GRIN2B: variants seen among roughly 807,000 people sequenced by gnomAD.
GRIN2B encodes glutamate receptor ionotropic, NMDA 2B.
Under a neutral mutation model 114.5 loss-of-function variants are expected in GRIN2B, and 5 were observed. That is an observed-to-expected ratio of 0.04 (90% CI 0.02 to 0.09). The LOEUF (loss-of-function observed/expected upper bound fraction) is 0.09. GRIN2B is among the 10% of genes least tolerant of loss of function. The pLI is 1.00. For synonymous variants in GRIN2B, 787 were observed against 745.1 expected (o/e 1.06, Z -0.92); for missense variants, 1,108 against 1,943.5 (o/e 0.57, Z 8.08).
intron 4 of GRIN2B, among the ~76,000 whole-genome samples, chr12:13,677,912 G>A (rs182560495): frequency 1.4e-4 from 21 of 151,944 alleles, no homozygotes; most frequent in East Asian, 5.8e-4. Context: ...TTTTAGTTCC[G>A]TAATTTTAAC....
At position 13,542,212 on chromosome 12, in the gene GRIN2B, C is replaced by T. The variant is rs1481479999; in HGVS notation, c.*20571G>A. 1 of 152,036 alleles carries T rather than the reference C, an allele frequency of 6.6e-6. No homozygotes were observed. The highest frequency in any genetic ancestry group is 6.6e-5 in the Admixed American group (1 of 15,254). The allele number at this position is 152,036 out of a possible 1,614,324, so 9.4% of individuals were successfully genotyped here. On this transcript the variant is annotated 3_prime_UTR_variant, in exon 14 of 14. Coordinates refer to ENST00000609686, the MANE Select transcript of GRIN2B (RefSeq NM_000834.5). Reference sequence around the variant, plus strand: ...AAAACTTTCATTTAGCAGAATTGGGCAGAAGCAAAGTTGCTTTCCAATCCT... The same window carrying T: ...AAAACTTTCATTTAGCAGAATTGGGTAGAAGCAAAGTTGCTTTCCAATCCT...
chr12:13,793,742 C>G lies in GRIN2B; in HGVS notation c.412-39827G>C, dbSNP rs190303359. 7.8e-4 allele frequency among the ~76,000 whole-genome samples: 119 copies of G among 152,252 alleles called. 1 individual carries two copies. Among genetic ancestry groups the G allele is most frequent in the African/African-American group, 2.6e-3 (110 of 41,540 alleles). ...CAGCTGCTTTCTCCATATTTTGACC[C>G]CTTATCTGAATGGTGTGTTCCAGGG... On this transcript the variant is annotated intron_variant, in intron 3 of 13. Transcript: ENST00000609686.
Position 13,562,935 on chromosome 12 carries a change from G to T in GRIN2B, c.4303C>A (p.His1435Asn), listed in dbSNP as rs1200161647. ...TGGAAACGGGCTGGCACGGCCCCAT[G>T]AAGGGCCGAGACCACCGGCTTGTTG... ...VTNKPVVSAL[H>N]GAVPARFQKD... Residue 1435 changes from histidine (H) to asparagine (N), a missense_variant, in exon 14 of 14, where the codon CAT becomes AAT. Transcript: ENST00000609686. 6.2e-7 allele frequency: 1 copy of T among 1,614,078 alleles called. No homozygotes were observed. Among genetic ancestry groups the T allele is most frequent in the African/African-American group, 1.3e-5 (1 of 74,916 alleles).
At chr12:13,676,721 C>T (rs1033012325) in intron 4 of GRIN2B, among the ~76,000 whole-genome samples, 1 of 152,140 alleles carries the variant, frequency 6.6e-6, no homozygotes, top group Admixed American at 6.6e-5. Flanking sequence ...TATGCACATA[C>T]TCTTTAACTC....
intron 5 of GRIN2B, among the ~76,000 whole-genome samples, chr12:13,645,145 T>C (rs1949750659): frequency 1.3e-5 from 2 of 152,122 alleles, no homozygotes; most frequent in Admixed American, 6.6e-5. Flanking sequence ...CTTAATCATT[T>C]CTAGCTTCTG....
chr12:13,931,992 C>T (rs893955766), intron 2 of GRIN2B, among the ~76,000 whole-genome samples: 1 of 152,210 alleles, frequency 6.6e-6, no homozygotes, highest in Non-Finnish European at 1.5e-5. Flanking sequence ...AAAAAGACAA[C>T]ATCCTCCAAT....
chr12:13,574,644 A>C (rs1012961964), intron 10 of GRIN2B, among the ~76,000 whole-genome samples: 16 of 152,366 alleles, frequency 1.1e-4, no homozygotes, highest in South Asian at 2.1e-4. Context: ...AAGCTACATT[A>C]TAGGTAGTTT....
chr12:13,812,502 A>C (rs1864750257), intron 3 of GRIN2B, among the ~76,000 whole-genome samples: 2 of 152,052 alleles, frequency 1.3e-5, no homozygotes, highest in Admixed American at 1.3e-4. Context: ...GTTCAACTAA[A>C]CCTATTTCAA....
At chr12:13,607,144 CAA>C (rs1269407366) in intron 10 of GRIN2B, among the ~76,000 whole-genome samples, 4 of 87,480 alleles carry the variant, frequency 4.6e-5, no homozygotes, top group Admixed American at 3.1e-4. Context: ...ACCATGCACT[CAA>C]AAAAAATATA....
rs1948554248 is a variant in GRIN2B, at chr12:13,562,199, A to AT, written c.*583dup. The stretch of plus-strand genomic sequence containing the variant: ...CGAGTCTCATGGGGTTGAAGCAAGC[A>AT]TTTTTTGGCTTATATATAAACACAA... On this transcript the variant is annotated 3_prime_UTR_variant, in exon 14 of 14. Transcript: ENST00000609686. 1 of 153,582 alleles carries AT rather than the reference A, an allele frequency of 6.5e-6. No individual in the cohort carries two copies. The highest frequency in any genetic ancestry group is 1.4e-5 in the Non-Finnish European group (1 of 69,066). The allele number at this position is 153,582 out of a possible 1,614,324, so 9.5% of individuals were successfully genotyped here. A position where few individuals can be genotyped will look rare whatever the true frequency, so the allele number is the denominator to read the frequency against.
chr12:13,553,321 G>A lies in GRIN2B; in HGVS notation c.*9462C>T, dbSNP rs1312984684. On this transcript the variant is annotated 3_prime_UTR_variant, in exon 14 of 14. Coordinates refer to ENST00000609686, the MANE Select transcript of GRIN2B (RefSeq NM_000834.5). ...AATCCCTTTATATTTACAGAGAAAGGAGTAGTTTAGAGACTAGCATTCTCT... is the reference window on the plus strand; with the variant it reads ...AATCCCTTTATATTTACAGAGAAAGAAGTAGTTTAGAGACTAGCATTCTCT... The A allele has an allele frequency of 6.6e-6, 1 of 152,188 alleles. No homozygotes were observed. The highest frequency in any genetic ancestry group is 1.5e-5 in the Non-Finnish European group (1 of 68,030). The allele number at this position is 152,188 out of a possible 1,614,324, so 9.4% of individuals were successfully genotyped here. A position where few individuals can be genotyped will look rare whatever the true frequency, so the allele number is the denominator to read the frequency against.
chr12:13,634,995 T>C (rs1003436959), intron 5 of GRIN2B, among the ~76,000 whole-genome samples: 3 of 152,204 alleles, frequency 2.0e-5, no homozygotes, highest in African/African-American at 7.2e-5. Flanking sequence ...ATGATGCATC[T>C]TTAACCTCTT....
At chr12:13,886,458 T>C (rs527648733) in intron 2 of GRIN2B, among the ~76,000 whole-genome samples, 4 of 152,272 alleles carry the variant, frequency 2.6e-5, no homozygotes, top group African/African-American at 9.6e-5. Flanking sequence ...CTGTGGGCAA[T>C]GGACTTTTGA....
At position 13,930,309 on chromosome 12, in the gene GRIN2B, G is replaced by A. The variant is rs1867003771; in HGVS notation, c.-19+49619C>T. ...TGATTCAGAGAAATATAAATACATG[G>A]GATCTTGATTTCAATGGGGGCATTT... On this transcript the variant is annotated intron_variant, in intron 2 of 13. Transcript: ENST00000609686. Among the ~76,000 whole-genome samples the A allele has an allele frequency of 2.0e-5, 3 of 152,060 alleles. No individual in the cohort carries two copies. The South Asian group carries it at 6.2e-4, about 32-fold the overall frequency.
At chr12:13,717,284 A>G (rs1244804917) in intron 4 of GRIN2B, among the ~76,000 whole-genome samples, 2 of 151,886 alleles carry the variant, frequency 1.3e-5, no homozygotes, top group Admixed American at 6.6e-5. Flanking sequence ...GCAGCTCAGA[A>G]AACAGGCAAT....
chr12:13,922,533 C>T (rs1297261809), intron 2 of GRIN2B, among the ~76,000 whole-genome samples: 1 of 152,222 alleles, frequency 6.6e-6, no homozygotes, highest in East Asian at 1.9e-4. Flanking sequence ...TAAAACTCAT[C>T]ACAGAGGCTA....
At chr12:13,656,995 G>T (rs1346199330) in intron 5 of GRIN2B, among the ~76,000 whole-genome samples, 1 of 152,126 alleles carries the variant, frequency 6.6e-6, no homozygotes, top group African/African-American at 2.4e-5. Flanking sequence ...TGGGATACTA[G>T]GACTCAGAAA....
chr12:13,579,830 C>G (rs1306902114), intron 10 of GRIN2B, among the ~76,000 whole-genome samples: 1 of 152,152 alleles, frequency 6.6e-6, no homozygotes, highest in Non-Finnish European at 1.5e-5. Flanking sequence ...CATACAAGAC[C>G]ACAGAGGTGC....
intron 4 of GRIN2B, among the ~76,000 whole-genome samples, chr12:13,715,779 T>C (rs1950449967): frequency 6.6e-6 from 1 of 151,896 alleles, no homozygotes; most frequent in African/African-American, 2.4e-5. Flanking sequence ...ATATAACCCC[T>C]TGATAATAAA....
Sources: allele counts gnomAD v4.1 joint callset (sites outside exome capture counted in the v4.1 genomes callset), GRCh38; gene constraint gnomAD v4.1.1; transcripts MANE v1.5; gene names NCBI Gene and HGNC (gene_info 2026-07-23, HGNC 2026-07-21).